Variants in GPC6 observed in about 807,000 individuals in gnomAD.
GPC6 encodes glypican 6.
A neutral mutation model predicts 55.2 loss-of-function variants in GPC6; 14 were observed. That is an observed-to-expected ratio of 0.25 (90% CI 0.17 to 0.40). The LOEUF (loss-of-function observed/expected upper bound fraction) is 0.40, where lower values mean the gene tolerates loss of function less well. Among genes scored for constraint, GPC6 ranks in the 10% least tolerant of loss-of-function variants. The probability of loss-of-function intolerance (pLI) is 1.00; values close to 1 mark genes in which losing one functional copy is unlikely to be tolerated. For synonymous variants in GPC6, 278 were observed against 259.6 expected (o/e 1.07, Z -0.68); for missense variants, 641 against 708.5 (o/e 0.90, Z 1.08).
chr13:93,478,854 G>T (rs1879396290), intron 1 of GPC6, among the ~76,000 whole-genome samples: 2 of 152,242 alleles, frequency 1.3e-5, no homozygotes, highest in South Asian at 4.1e-4. Context: ...AAATAATACT[G>T]TCAGAAGTAA....
chr13:94,102,686 T>C (rs1885910401), intron 4 of GPC6, among the ~76,000 whole-genome samples: 1 of 152,094 alleles, frequency 6.6e-6, no homozygotes. Flanking sequence ...AAAGATAATA[T>C]AAGATGGTAC....
chr13:93,498,690 A>G (rs979464567), intron 1 of GPC6, among the ~76,000 whole-genome samples: 2 of 152,184 alleles, frequency 1.3e-5, no homozygotes, highest in Admixed American at 6.5e-5. Context: ...AGCCACGTGG[A>G]ACTGTAAGTT....
At chr13:94,275,694 G>T (rs1430537512) in intron 4 of GPC6, among the ~76,000 whole-genome samples, 1 of 151,504 alleles carries the variant, frequency 6.6e-6, no homozygotes, top group Admixed American at 6.6e-5. Flanking sequence ...AAAAGGGCTG[G>T]TTTTCTTGAT....
At chr13:93,599,474 C>T (rs1322414777) in intron 2 of GPC6, among the ~76,000 whole-genome samples, 1 of 152,090 alleles carries the variant, frequency 6.6e-6, no homozygotes, top group South Asian at 2.1e-4. Flanking sequence ...TCACTACATT[C>T]TGCTTACTCT....
intron 4 of GPC6, among the ~76,000 whole-genome samples, chr13:94,266,414 C>T (rs916353660): frequency 7.2e-5 from 11 of 152,122 alleles, no homozygotes; most frequent in African/African-American, 1.4e-4. Context: ...GTGATCCGCC[C>T]GCCTTGGCCT....
At chr13:94,060,406 C>T (rs1884278896) in intron 4 of GPC6, among the ~76,000 whole-genome samples, 1 of 152,114 alleles carries the variant, frequency 6.6e-6, no homozygotes, top group Non-Finnish European at 1.5e-5. Flanking sequence ...CTGGCAGGCA[C>T]ATAGTAGGTG....
At chr13:93,985,261 A>G (rs995621166) in intron 3 of GPC6, among the ~76,000 whole-genome samples, 61 of 151,990 alleles carry the variant, frequency 4.0e-4, no homozygotes, top group Non-Finnish European at 5.7e-4. Context: ...ACATGGTGAA[A>G]CCCCGTCTCT....
chr13:93,615,702 G>T (rs568904116), intron 2 of GPC6, among the ~76,000 whole-genome samples: 1 of 152,200 alleles, frequency 6.6e-6, no homozygotes, highest in Non-Finnish European at 1.5e-5. Flanking sequence ...AAGATGTGTT[G>T]TATGAGCTGT....
chr13:94,065,510 A>G (rs1465435822), intron 4 of GPC6, among the ~76,000 whole-genome samples: 1 of 152,196 alleles, frequency 6.6e-6, no homozygotes, highest in Non-Finnish European at 1.5e-5. Context: ...GCAAAATTAA[A>G]TGCATTTTCT....
chr13:93,550,572 A>G (rs952156790), intron 2 of GPC6, among the ~76,000 whole-genome samples: 5 of 152,212 alleles, frequency 3.3e-5, no homozygotes, highest in Admixed American at 2.0e-4. Flanking sequence ...TAATTTATAT[A>G]CAATGACATA....
At chr13:93,263,164 C>G (rs927614518) in intron 1 of GPC6, among the ~76,000 whole-genome samples, 1 of 152,050 alleles carries the variant, frequency 6.6e-6, no homozygotes, top group Non-Finnish European at 1.5e-5. Flanking sequence ...ATAATGAAGT[C>G]TTAGGGGAAA....
chr13:93,776,412 A>G (rs1885469587), intron 2 of GPC6, among the ~76,000 whole-genome samples: 1 of 152,122 alleles, frequency 6.6e-6, no homozygotes, highest in Admixed American at 6.6e-5. Flanking sequence ...GATGGGGACA[A>G]ATTGCCAAGT....
intron 4 of GPC6, among the ~76,000 whole-genome samples, chr13:94,060,281 A>C (rs1884275171): frequency 6.6e-6 from 1 of 152,104 alleles, no homozygotes; most frequent in Non-Finnish European, 1.5e-5. Flanking sequence ...TATATGATTT[A>C]CTTATTCTTT....
At chr13:94,134,577 G>A (rs929555191) in intron 4 of GPC6, among the ~76,000 whole-genome samples, 8 of 152,040 alleles carry the variant, frequency 5.3e-5, no homozygotes, top group Admixed American at 2.6e-4. Context: ...TCATAAATGA[G>A]GTGTCCTCCT....
chr13:93,685,890 A>G (rs999961057), intron 2 of GPC6, among the ~76,000 whole-genome samples: 1 of 152,144 alleles, frequency 6.6e-6, no homozygotes, highest in East Asian at 1.9e-4. Context: ...CATTTTTCAG[A>G]TTATGAATTT....
At chr13:93,688,156 A>G (rs1031505163) in intron 2 of GPC6, among the ~76,000 whole-genome samples, 1 of 152,108 alleles carries the variant, frequency 6.6e-6, no homozygotes, top group Non-Finnish European at 1.5e-5. Flanking sequence ...GGATTATGAG[A>G]TAACTTTGTT....
chr13:93,242,512 G>T (rs570620629), intron 1 of GPC6, among the ~76,000 whole-genome samples: 1 of 152,168 alleles, frequency 6.6e-6, no homozygotes, highest in Non-Finnish European at 1.5e-5. Context: ...ACCATCTACA[G>T]ATGCACCCAA....
intron 3 of GPC6, among the ~76,000 whole-genome samples, chr13:94,022,709 A>G (rs1015299622): frequency 5.9e-5 from 9 of 152,000 alleles, no homozygotes; most frequent in Non-Finnish European, 1.3e-4. Flanking sequence ...CTCACCAACA[A>G]TGTACAAGGG....
intron 2 of GPC6, among the ~76,000 whole-genome samples, chr13:93,667,817 G>T (rs1187513673): frequency 6.8e-6 from 1 of 146,492 alleles, no homozygotes; most frequent in Non-Finnish European, 1.5e-5. Context: ...TCATAGCAGA[G>T]ACTGCTGAAC....
Sources: allele counts gnomAD v4.1 joint callset (sites outside exome capture counted in the v4.1 genomes callset), GRCh38; gene constraint gnomAD v4.1.1; transcripts MANE v1.5; gene names NCBI Gene and HGNC (gene_info 2026-07-23, HGNC 2026-07-21).